SYT9: variants seen among roughly 807,000 people sequenced by gnomAD.
SYT9 encodes synaptotagmin 9.
Under a neutral mutation model 48.4 loss-of-function variants are expected in SYT9, and 22 were observed. The observed-to-expected ratio is 0.45, with a 90% CI of 0.32 to 0.65. SYT9 has a LOEUF of 0.65. Ranked by LOEUF, SYT9 falls within the 30% of genes least tolerant of loss-of-function variation. SYT9 has a pLI of 0.03. For missense variants in SYT9, 577 were observed against 622.0 expected (o/e 0.93, Z 0.77); for synonymous variants, 265 against 245.0 (o/e 1.08, Z -0.76).
At chr11:7,344,558 T>C (rs1267332199) in intron 3 of SYT9, among the ~76,000 whole-genome samples, 1 of 152,196 alleles carries the variant, frequency 6.6e-6, no homozygotes, top group African/African-American at 2.4e-5. Flanking sequence ...CTACAATCCA[T>C]TTTGAGTTAA....
intron 1 of SYT9, among the ~76,000 whole-genome samples, 179 bp from the exon 2 acceptor site, chr11:7,302,860 G>A (rs540430221): frequency 1.3e-5 from 2 of 152,310 alleles, no homozygotes; most frequent in East Asian, 1.9e-4. Flanking sequence ...TCTGGTTTGT[G>A]TATGAATTCT....
intron 3 of SYT9, among the ~76,000 whole-genome samples, chr11:7,316,081 T>G (rs558015581): frequency 6.6e-6 from 1 of 151,272 alleles, no homozygotes; most frequent in African/African-American, 2.4e-5. Context: ...TTTTTTTGTA[T>G]AGAGACTGAA....
intron 2 of SYT9, among the ~76,000 whole-genome samples, chr11:7,311,669 A>C (rs1287849312): frequency 4.6e-5 from 7 of 152,236 alleles, no homozygotes; most frequent in Non-Finnish European, 1.0e-4. Context: ...CCAATTATGG[A>C]CATTTTTTGA....
intron 3 of SYT9, among the ~76,000 whole-genome samples, chr11:7,402,173 C>G (rs1342327248): frequency 1.3e-5 from 2 of 151,654 alleles, no homozygotes; most frequent in Non-Finnish European, 2.9e-5. Context: ...ATTTTAATTT[C>G]ATTTCATTCT....
intron 3 of SYT9, among the ~76,000 whole-genome samples, chr11:7,384,997 C>T (rs563475178): frequency 6.6e-6 from 1 of 152,238 alleles, no homozygotes; most frequent in African/African-American, 2.4e-5. Context: ...GTCACTCTCT[C>T]ATAATGCCTT....
rs779740800 is a variant in SYT9, at chr11:7,313,510, C to CAGAGGTCATTGG, written c.615_626dup (p.Leu208_Asp209insGluArgSerLeu). The CAGAGGTCATTGG allele has an allele frequency of 6.2e-7, 1 of 1,614,126 alleles. No homozygotes were observed. The highest frequency in any genetic ancestry group is 8.5e-7 in the Non-Finnish European group (1 of 1,179,998). On this transcript the variant is annotated inframe_insertion, in exon 3 of 7. Coordinates refer to ENST00000318881, the MANE Select transcript of SYT9 (RefSeq NM_175733.4). ...TAGAATTAAACCAGAGTTATATAAG[C>CAGAGGTCATTGG]AGAGGTCATTGGATAATGATGACGG...
intron 1 of SYT9, among the ~76,000 whole-genome samples, chr11:7,260,665 A>T (rs576395022): frequency 4.5e-4 from 68 of 152,302 alleles, no homozygotes; most frequent in Middle Eastern, 6.8e-3. Context: ...CTTATGGAAA[A>T]TATACTCAGG....
intron 1 of SYT9, among the ~76,000 whole-genome samples, chr11:7,276,551 C>A (rs1299252023): frequency 6.6e-6 from 1 of 152,156 alleles, no homozygotes; most frequent in Admixed American, 6.5e-5. Context: ...GCACCCCTTG[C>A]GTTAGACTAA....
Position 7,252,409 on chromosome 11 carries a change from G to A in SYT9, c.145+78G>A, listed in dbSNP as rs1001132265. ...TGGGGCCGCACCGGGGCCTGAGGCA[G>A]AACAGCGACGCGGACTGGGAGAGGG... On this transcript the variant is annotated intron_variant, in intron 1 of 6. Coordinates refer to ENST00000318881, the MANE Select transcript of SYT9 (RefSeq NM_175733.4). This position sits in a 1 kb window ranked among gnomAD's most constrained non-coding sequence, Gnocchi z 6.3. The A allele has an allele frequency of 1.1e-4, 143 of 1,330,456 alleles. No homozygotes were observed. The highest frequency in any genetic ancestry group is 1.3e-4 in the Non-Finnish European group (140 of 1,038,834). The allele number at this position is 1,330,456 out of a possible 1,614,324, so 82.4% of individuals were successfully genotyped here. A position where few individuals can be genotyped will look rare whatever the true frequency, so the allele number is the denominator to read the frequency against.
intron 1 of SYT9, among the ~76,000 whole-genome samples, chr11:7,277,378 C>T (rs755626431): frequency 1.3e-5 from 2 of 152,166 alleles, no homozygotes; most frequent in Non-Finnish European, 2.9e-5. Flanking sequence ...CTGTGTGTTA[C>T]TGAACATTGC....
chr11:7,288,468 G>C (rs988737922), intron 1 of SYT9, among the ~76,000 whole-genome samples: 5 of 151,976 alleles, frequency 3.3e-5, no homozygotes, highest in African/African-American at 1.2e-4. Context: ...ATGCCCTTTT[G>C]GGCCTGATAC....
intron 6 of SYT9, among the ~76,000 whole-genome samples, chr11:7,464,532 C>T (rs771719485): frequency 2.0e-5 from 3 of 152,110 alleles, no homozygotes; most frequent in Non-Finnish European, 2.9e-5. Context: ...AAGAACCCCA[C>T]GGGGTCTTTT....
chr11:7,454,392 C>T (rs975109496), intron 6 of SYT9: 2 of 780,086 alleles, frequency 2.6e-6, no homozygotes, highest in African/African-American at 1.9e-5. Flanking sequence ...CTGCTTCTCC[C>T]AGCCACCATC....
chr11:7,343,610 T>C (rs567000123), intron 3 of SYT9, among the ~76,000 whole-genome samples: 1 of 152,316 alleles, frequency 6.6e-6, no homozygotes, highest in Admixed American at 6.5e-5. Context: ...CTTTCCCACA[T>C]TTTCCTGTCT....
chr11:7,398,938 T>C (rs1846819504), intron 3 of SYT9, among the ~76,000 whole-genome samples: 1 of 106,872 alleles, frequency 9.4e-6, no homozygotes, highest in Admixed American at 1.1e-4. Flanking sequence ...TACAGTATCA[T>C]GTGTGCAGGC....
rs571267637 is a variant in SYT9, at chr11:7,304,956, T to C, written c.497+1566T>C. On this transcript the variant is annotated intron_variant, in intron 2 of 6. Coordinates refer to ENST00000318881, the MANE Select transcript of SYT9 (RefSeq NM_175733.4). ...ACTTTTCTGGTCTGAGTTCCTCCAATATATGGTGGTAGTACTGTGATCTTG... is the reference window on the plus strand; with the variant it reads ...ACTTTTCTGGTCTGAGTTCCTCCAACATATGGTGGTAGTACTGTGATCTTG... 5.7e-4 allele frequency among the ~76,000 whole-genome samples: 87 copies of C among 152,322 alleles called. 1 individual carries two copies. The highest frequency in any genetic ancestry group is 2.0e-3 in the African/African-American group (85 of 41,576).
chr11:7,240,820 G>A (rs1564833363), intron 1 of SYT9, among the ~76,000 whole-genome samples: 1 of 152,058 alleles, frequency 6.6e-6, no homozygotes, highest in Non-Finnish European at 1.5e-5. Context: ...CTCCAAGTCA[G>A]GCAGCCATCT....
intron 3 of SYT9, among the ~76,000 whole-genome samples, chr11:7,394,115 C>T (rs1003655404): frequency 1.3e-5 from 2 of 151,690 alleles, no homozygotes; most frequent in African/African-American, 4.8e-5. Flanking sequence ...TCCCCCCTTC[C>T]CCCACCCCAC....
chr11:7,289,893 T>C (rs954058215), intron 1 of SYT9, among the ~76,000 whole-genome samples: 3 of 152,278 alleles, frequency 2.0e-5, no homozygotes, highest in Non-Finnish European at 4.4e-5. Flanking sequence ...TTTAGTAGCA[T>C]GAATTATTTG....
Sources: gnomAD v4.1 joint callset for allele counts (sites outside exome capture counted in the v4.1 genomes callset) on GRCh38, gnomAD v4.1.1 for gene constraint, Gnocchi (gnomAD v3.1) non-coding constraint, MANE v1.5 for transcripts, NCBI Gene and HGNC (gene_info 2026-07-23, HGNC 2026-07-21) for gene names.